The following PAX5 variants were observed in gnomAD, a reference collection of about 807,000 sequenced individuals.
The protein encoded by PAX5 is paired box protein Pax-5.
A neutral mutation model predicts 43.7 loss-of-function variants in PAX5; 9 were observed. That is an observed-to-expected ratio of 0.21 (90% CI 0.12 to 0.36). The LOEUF (loss-of-function observed/expected upper bound fraction) is 0.36, where lower values mean the gene tolerates loss of function less well. Among genes scored for constraint, PAX5 ranks in the 10% least tolerant of loss-of-function variants. The pLI is 1.00. For missense variants in PAX5, 383 were observed against 532.7 expected (o/e 0.72, Z 2.77); for synonymous variants, 228 against 214.3 (o/e 1.06, Z -0.56).
At chr9:36,966,312 C>A (rs574777325) in intron 6 of PAX5, among the ~76,000 whole-genome samples, 159 of 152,358 alleles carry the variant, frequency 1.0e-3, no homozygotes, top group Non-Finnish European at 1.7e-3. Flanking sequence ...TCACCCACCC[C>A]CTGGCTGGCC....
intron 6 of PAX5, among the ~76,000 whole-genome samples, chr9:36,924,831 G>T: frequency 1.1e-5 from 1 of 88,704 alleles, no homozygotes; most frequent in Non-Finnish European, 2.6e-5. Context: ...AAAGAAGGAA[G>T]GGAGAGAAAG....
chr9:37,026,520 G>C, intron 1 of PAX5: 1 of 1,324,518 alleles, frequency 7.5e-7, no homozygotes, highest in Non-Finnish European at 9.9e-7. Context: ...AAGCGAGCTC[G>C]CCGCCTACTT....
chr9:36,947,350 G>C (rs1459498313), intron 6 of PAX5, among the ~76,000 whole-genome samples: 1 of 152,122 alleles, frequency 6.6e-6, no homozygotes, highest in Non-Finnish European at 1.5e-5. Flanking sequence ...TTTGGATCAA[G>C]TACCATTTCC....
At chr9:36,981,184 A>AT (rs750999726) in intron 5 of PAX5, among the ~76,000 whole-genome samples, 1 of 99,502 alleles carries the variant, frequency 1.0e-5, no homozygotes, top group African/African-American at 3.3e-5. Context: ...AAAACAGCAA[A>AT]GCCCCCCCCC....
At chr9:36,872,528 A>G (rs761924960) in intron 8 of PAX5, among the ~76,000 whole-genome samples, 35 of 152,154 alleles carry the variant, frequency 2.3e-4, no homozygotes, top group Admixed American at 9.2e-4. Flanking sequence ...TGCTGTGAGT[A>G]TCTGGCAGCT....
chr9:36,854,893 C>T (rs572532022), intron 8 of PAX5, among the ~76,000 whole-genome samples: 37 of 152,314 alleles, frequency 2.4e-4, no homozygotes, highest in Non-Finnish European at 3.5e-4. Flanking sequence ...CTGTTTCTCC[C>T]GAGAGCCGCG....
intron 6 of PAX5, among the ~76,000 whole-genome samples, chr9:36,931,482 A>G (rs1831118303): frequency 6.6e-6 from 1 of 152,260 alleles, no homozygotes; most frequent in Non-Finnish European, 1.5e-5. Context: ...GGAGGCTTAG[A>G]GACAAATCGA....
intron 8 of PAX5, among the ~76,000 whole-genome samples, chr9:36,872,618 A>G (rs992698806): frequency 2.0e-5 from 3 of 152,068 alleles, no homozygotes; most frequent in Admixed American, 6.5e-5. Flanking sequence ...GGCTTTTGTA[A>G]TTCTTTTCTT....
At chr9:36,965,042 G>A (rs989865486) in intron 6 of PAX5, among the ~76,000 whole-genome samples, 3 of 151,880 alleles carry the variant, frequency 2.0e-5, no homozygotes, top group Non-Finnish European at 4.4e-5. Context: ...CCTCTGCCAG[G>A]CACTTTCCCT....
intron 7 of PAX5, among the ~76,000 whole-genome samples, chr9:36,889,405 T>G (rs1026496764): frequency 6.6e-6 from 1 of 152,380 alleles, no homozygotes; most frequent in South Asian, 2.1e-4. Context: ...CACTAAGCAG[T>G]GTTCTAAACA....
chr9:37,023,025 T>G (rs1416321135), intron 1 of PAX5, among the ~76,000 whole-genome samples: 1 of 151,830 alleles, frequency 6.6e-6, no homozygotes, highest in African/African-American at 2.4e-5. Context: ...TGGTAAGAAG[T>G]GAAGTCCAAA....
rs1259063388 is a variant in PAX5, at chr9:37,015,110, G to A, written c.297C>T (p.Ile99=). 2.5e-6 allele frequency: 4 copies of A among 1,614,004 alleles called. No homozygotes were observed. Among genetic ancestry groups the A allele is most frequent in the African/African-American group, 1.3e-5 (1 of 74,898 alleles). Residue 99 remains isoleucine, a synonymous_variant, in exon 3 of 10, where the codon ATC becomes ATT. Coordinates refer to ENST00000358127, the MANE Select transcript of PAX5 (RefSeq NM_016734.3). The surrounding 1 kb of genome is among the most constrained non-coding windows in gnomAD (Gnocchi z 4.4). The stretch of plus-strand genomic sequence containing the variant: ...TGGGATTTTGGCGTTTATATTCAGC[G>A]ATTTTTTCCACCACTTTGGGTGTGG... The part of the protein sequence containing the change: ...KVATPKVVEK[I]AEYKRQNPTM...
At chr9:36,969,828 C>T (rs1834787491) in intron 5 of PAX5, among the ~76,000 whole-genome samples, 1 of 152,246 alleles carries the variant, frequency 6.6e-6, no homozygotes, top group South Asian at 2.1e-4. Flanking sequence ...CCCGCGATTC[C>T]CCTCACCACT....
intron 8 of PAX5, among the ~76,000 whole-genome samples, chr9:36,850,630 T>C (rs1433666231): frequency 6.6e-6 from 1 of 152,118 alleles, no homozygotes; most frequent in African/African-American, 2.4e-5. Flanking sequence ...ACCCCTGGAA[T>C]TGGGAAACTT....
intron 5 of PAX5, among the ~76,000 whole-genome samples, chr9:36,984,448 T>TTTTTC (rs1034561986): frequency 2.3e-5 from 3 of 132,058 alleles, no homozygotes; most frequent in African/African-American, 8.8e-5. Context: ...TTTTTTTTTT[T>TTTTTC]TTTTTTTTTG....
chr9:36,872,170 C>T, intron 8 of PAX5, among the ~76,000 whole-genome samples: 1 of 152,194 alleles, frequency 6.6e-6, no homozygotes, highest in East Asian at 1.9e-4. Context: ...GACATGGGAG[C>T]AGTGTGTAAG....
intron 1 of PAX5, among the ~76,000 whole-genome samples, chr9:37,027,783 T>C (rs1840568336): frequency 6.6e-6 from 1 of 152,162 alleles, no homozygotes; most frequent in African/African-American, 2.4e-5. Flanking sequence ...ACCAAGCCAA[T>C]CAGAGTGGCG....
At chr9:37,027,930 G>C (rs984454627) in intron 1 of PAX5, among the ~76,000 whole-genome samples, 1 of 152,242 alleles carries the variant, frequency 6.6e-6, no homozygotes, top group Admixed American at 6.5e-5. Context: ...TGACAAACGC[G>C]CTGGACTAAG....
intron 6 of PAX5, among the ~76,000 whole-genome samples, chr9:36,951,137 G>A (rs540054124): frequency 6.6e-6 from 1 of 152,268 alleles, no homozygotes; most frequent in South Asian, 2.1e-4. Context: ...GGTGTAAGTA[G>A]GGGGCAGGAT....
Sources: gnomAD v4.1 joint callset for allele counts (sites outside exome capture counted in the v4.1 genomes callset) on GRCh38, gnomAD v4.1.1 for gene constraint, Gnocchi (gnomAD v3.1) non-coding constraint, MANE v1.5 for transcripts, NCBI Gene and HGNC (gene_info 2026-07-23, HGNC 2026-07-21) for gene names.